HDLBP: variants seen among roughly 807,000 people sequenced by gnomAD.
HDLBP encodes high density lipoprotein binding protein.
HDLBP carries 30 observed loss-of-function variants against 137.3 expected under a neutral mutation model. That is an observed-to-expected ratio of 0.22 (90% confidence interval 0.16 to 0.30). HDLBP has a LOEUF of 0.30. Ranked by LOEUF, HDLBP falls within the 10% of genes least tolerant of loss-of-function variation. The pLI is 1.00. For missense variants in HDLBP, 1,119 were observed against 1,667.3 expected (o/e 0.67, Z 5.73); for synonymous variants, 606 against 596.0 (o/e 1.02, Z -0.24).
chr2:241,299,505 C>CAAAAAA lies in HDLBP; in HGVS notation c.-103+16059_-103+16064dup, dbSNP rs11423330. On this transcript the variant is annotated intron_variant, in intron 1 of 27. Transcript: ENST00000310931. ...ACTGAACTCCAGCCTGGCTCCGTCT[C>CAAAAAA]AAAAAAAAAAAAAAAAAAAAAAAAA... 3.1e-3 allele frequency among the ~76,000 whole-genome samples: 152 copies of CAAAAAA among 49,476 alleles called. 2 individuals are homozygous for CAAAAAA. Among genetic ancestry groups the CAAAAAA allele is most frequent in the African/African-American group, 7.2e-3 (94 of 13,048 alleles). 32.5% of individuals were successfully genotyped at this position (49,476 alleles called of 152,430 possible).
intron 1 of HDLBP, among the ~76,000 whole-genome samples, chr2:241,293,909 G>A (rs1467667736): frequency 2.1e-5 from 3 of 141,336 alleles, no homozygotes; most frequent in Admixed American, 1.5e-4. Flanking sequence ...GTGAGGGTGC[G>A]AGACCCTGCC....
Position 241,265,563 on chromosome 2 carries a change from T to TG in HDLBP, c.77-959dup, listed in dbSNP as rs566269638. 4.8e-4 allele frequency among the ~76,000 whole-genome samples: 73 copies of TG among 152,368 alleles called. 1 individual carries two copies. The East Asian group carries it at 0.013, about 27-fold the overall frequency. On this transcript the variant is annotated intron_variant, in intron 3 of 27. Coordinates refer to ENST00000310931, the MANE Select transcript of HDLBP (RefSeq NM_005336.6). ...AGTGCCCTATTTGTTCATGTGTTTG[T>TG]GCCATTAGCCACAATCTCCATGAAA...
intron 20 of HDLBP, among the ~76,000 whole-genome samples, chr2:241,237,997 GCCGCCCAA>G (rs2070767853): frequency 6.6e-6 from 1 of 152,238 alleles, no homozygotes. Flanking sequence ...AGGGCCACCT[GCCGCCCAA>G]ACAGCTCAAC....
At chr2:241,264,719 A>G in intron 3 of HDLBP, 114 bp from the exon 4 acceptor site, 2 of 1,016,796 alleles carry the variant, frequency 2.0e-6, no homozygotes, top group Admixed American at 4.3e-5. Flanking sequence ...AAATGCTCCA[A>G]GGACAACTCC....
Position 241,256,473 on chromosome 2 carries a change from T to G in HDLBP, c.658-74A>C, listed in dbSNP as rs553573744. The G allele has an allele frequency of 9.9e-5, 149 of 1,500,032 alleles. 1 individual carries two copies. In the African/African-American group the frequency reaches 1.9e-3, roughly 19 times the overall value. 92.9% of individuals were successfully genotyped at this position (1,500,032 alleles called of 1,614,324 possible). ...TGGGGACAGACAGGGCTTTTTAGAG[T>G]TGGAGTCAAGCCCTCCACCCCCACC... is the stretch of plus-strand genomic sequence containing the variant. On this transcript the variant is annotated intron_variant, in intron 6 of 27. Transcript: ENST00000310931.
chr2:241,288,454 AAG>A (rs2074906652), intron 1 of HDLBP, among the ~76,000 whole-genome samples: 2 of 152,344 alleles, frequency 1.3e-5, no homozygotes, highest in African/African-American at 4.8e-5. Context: ...AAGGATCACT[AAG>A]AGTGAGCATG....
At chr2:241,299,311 G>A (rs1298959939) in intron 1 of HDLBP, among the ~76,000 whole-genome samples, 1 of 151,196 alleles carries the variant, frequency 6.6e-6, no homozygotes, top group Admixed American at 6.6e-5. Flanking sequence ...ACAAGGTCAG[G>A]AGTTCAAGAC....
At chr2:241,267,458 AGG>A (rs2073762774) in intron 2 of HDLBP, 1 of 901,076 alleles carries the variant, frequency 1.1e-6, no homozygotes, top group Non-Finnish European at 1.7e-6. Context: ...CCCTAACCGC[AGG>A]GGTGGGGGGA....
Position 241,238,488 on chromosome 2 carries a change from A to G in HDLBP, c.2749+161T>C. The G allele has an allele frequency of 5.7e-6, 3 of 523,166 alleles. No individual in the cohort carries two copies. Among genetic ancestry groups the G allele is most frequent in the Non-Finnish European group, 9.7e-6 (3 of 308,832 alleles). 32.4% of individuals were successfully genotyped at this position (523,166 alleles called of 1,614,324 possible). A position where few individuals can be genotyped will look rare whatever the true frequency, so the allele number is the denominator to read the frequency against. On this transcript the variant is annotated intron_variant, in intron 20 of 27. Transcript: ENST00000310931. This position sits in a 1 kb window ranked among gnomAD's most constrained non-coding sequence, Gnocchi z 4.9. ...CAGTAACTGACGTGGTCCATCTTTT[A>G]AAGGCCAGGGAGTGACCCTGAACCT... is the stretch of plus-strand genomic sequence containing the variant.
intron 1 of HDLBP, among the ~76,000 whole-genome samples, chr2:241,269,770 T>C (rs2073922774): frequency 6.6e-6 from 1 of 152,192 alleles, no homozygotes; most frequent in African/African-American, 2.4e-5. Flanking sequence ...CAAGAGCTCC[T>C]TGAGATTCCA....
intron 1 of HDLBP, among the ~76,000 whole-genome samples, chr2:241,295,865 G>A (rs2075159299): frequency 6.6e-6 from 1 of 152,170 alleles, no homozygotes; most frequent in Admixed American, 6.5e-5. Context: ...AGACGAAGAA[G>A]CAAAGAACAA....
chr2:241,312,941 G>A (rs2075796829), intron 1 of HDLBP, among the ~76,000 whole-genome samples: 1 of 152,206 alleles, frequency 6.6e-6, no homozygotes, highest in African/African-American at 2.4e-5. Context: ...CACAGTCTGA[G>A]CCAAGCCCTC....
chr2:241,240,063 G>A lies in HDLBP; in HGVS notation c.2229C>T (p.Ile743=), dbSNP rs759535404. The A allele has an allele frequency of 4.0e-5, 64 of 1,614,096 alleles. No homozygotes were observed. Among genetic ancestry groups the A allele is most frequent in the Non-Finnish European group, 5.0e-5 (59 of 1,180,044 alleles). ...RAKPEYHKFL[I]GKGGGKIRKV... is the part of the protein sequence containing the mutation. ...TGCGAATTTTGCCGCCCCCCTTGCC[G>A]ATGAGGAATTTGTGGTATTCTGGCT... is the stretch of plus-strand genomic sequence containing the variant. Residue 743 remains isoleucine, a synonymous_variant, in exon 18 of 28, where the codon ATC becomes ATT. Coordinates refer to ENST00000310931, the MANE Select transcript of HDLBP (RefSeq NM_005336.6). This position sits in a 1 kb window ranked among gnomAD's most constrained non-coding sequence, Gnocchi z 5.5.
rs986087495 is a variant in HDLBP at position 241,230,435 on chromosome 2, G to A, written c.3475-166C>T. Among the ~76,000 whole-genome samples, 2 of 152,256 alleles carry A rather than the reference G, an allele frequency of 1.3e-5. No individual in the cohort carries two copies. Among genetic ancestry groups the A allele is most frequent in the Admixed American group, 6.5e-5 (1 of 15,284 alleles). On this transcript the variant is annotated intron_variant, in intron 25 of 27. Coordinates refer to ENST00000310931, the MANE Select transcript of HDLBP (RefSeq NM_005336.6). The surrounding 1 kb of genome is among the most constrained non-coding windows in gnomAD (Gnocchi z 5.0). ...GCCTCATCACCACACCAAGTTAGGT[G>A]TATCTCAGGAGCACCTTGTTCCCAG...
At chr2:241,295,312 G>A (rs556140638) in intron 1 of HDLBP, among the ~76,000 whole-genome samples, 1 of 152,266 alleles carries the variant, frequency 6.6e-6, no homozygotes, top group Non-Finnish European at 1.5e-5. Flanking sequence ...TGACCAAGAT[G>A]TTACTATTGT....
At position 241,239,215 on chromosome 2, in the gene HDLBP, C is replaced by A. The variant is rs1165655111; in HGVS notation, c.2610+387G>T. ...GACTTCCCATGGATTCACGTGGATG[C>A]CCTCAAATCGATTTTCTTTCCTTCA... On this transcript the variant is annotated intron_variant, in intron 19 of 27. Coordinates refer to ENST00000310931, the MANE Select transcript of HDLBP (RefSeq NM_005336.6). The surrounding 1 kb of genome is among the most constrained non-coding windows in gnomAD (Gnocchi z 4.6). Among the ~76,000 whole-genome samples, 1 of 152,160 alleles carries A rather than the reference C, an allele frequency of 6.6e-6. No individual in the cohort carries two copies. Among genetic ancestry groups the A allele is most frequent in the Non-Finnish European group, 1.5e-5 (1 of 68,024 alleles).
chr2:241,272,547 G>C lies in HDLBP; in HGVS notation c.-102-4006C>G, dbSNP rs1177915827. Reference sequence around the variant, plus strand: ...CCACGCGCAGAAGAGACTCGGAGCCGGCCCCAGGTCTGGCCCGGAACCGCC... The same window carrying C: ...CCACGCGCAGAAGAGACTCGGAGCCCGCCCCAGGTCTGGCCCGGAACCGCC... On this transcript the variant is annotated intron_variant, in intron 1 of 27. Transcript: ENST00000310931. The surrounding 1 kb of genome is among the most constrained non-coding windows in gnomAD (Gnocchi z 5.6). The C allele has an allele frequency of 3.0e-6, 3 of 984,500 alleles. No homozygotes were observed. The highest frequency in any genetic ancestry group is 2.3e-4 in the East Asian group (2 of 8,756). The allele number at this position is 984,500 out of a possible 1,614,324, so 61.0% of individuals were successfully genotyped here.
chr2:241,290,023 G>C (rs1202275670), intron 1 of HDLBP, among the ~76,000 whole-genome samples: 2 of 152,092 alleles, frequency 1.3e-5, no homozygotes, highest in Non-Finnish European at 2.9e-5. Flanking sequence ...ACCACTTTGT[G>C]TCCATGCAGT....
chr2:241,270,396 A>C (rs936616812), intron 1 of HDLBP, among the ~76,000 whole-genome samples: 1 of 152,242 alleles, frequency 6.6e-6, no homozygotes, highest in Non-Finnish European at 1.5e-5. Context: ...CAGAGCGTGT[A>C]ACGAATGGTT....
Sources: gnomAD v4.1 joint callset for allele counts (sites outside exome capture counted in the v4.1 genomes callset) on GRCh38, gnomAD v4.1.1 for gene constraint, Gnocchi (gnomAD v3.1) non-coding constraint, MANE v1.5 for transcripts, NCBI Gene and HGNC (gene_info 2026-07-23, HGNC 2026-07-21) for gene names.